Variants in KDM4C observed in about 807,000 individuals in gnomAD.
KDM4C encodes lysine demethylase 4C.
In KDM4C, 81 loss-of-function variants were observed where a neutral mutation model predicts 129.3. The observed-to-expected ratio is 0.63, with a 90% CI of 0.52 to 0.75. The LOEUF (loss-of-function observed/expected upper bound fraction) is 0.75, where lower values mean the gene tolerates loss of function less well. KDM4C is among the 30% of genes least tolerant of loss of function. KDM4C has a pLI of 0.00. For missense variants in KDM4C, 1,457 were observed against 1,304.0 expected (o/e 1.12, Z -1.81); for synonymous variants, 573 against 456.1 (o/e 1.26, Z -3.26).
At chr9:6,956,115 GT>G (rs1829021900) in intron 8 of KDM4C, among the ~76,000 whole-genome samples, 1 of 152,092 alleles carries the variant, frequency 6.6e-6, no homozygotes, top group African/African-American at 2.4e-5. Context: ...GTAGTTGGGG[GT>G]GGTGATGGGG....
chr9:6,824,648 A>AAT (rs1833590214), intron 4 of KDM4C, among the ~76,000 whole-genome samples: 1 of 151,952 alleles, frequency 6.6e-6, no homozygotes, highest in African/African-American at 2.4e-5. Context: ...CAAAAAAAAA[A>AAT]AAAAATTAAG....
At chr9:6,812,098 G>T (rs945847927) in intron 3 of KDM4C, among the ~76,000 whole-genome samples, 4 of 151,992 alleles carry the variant, frequency 2.6e-5, no homozygotes, top group Admixed American at 6.6e-5. Context: ...TTAAAAAATT[G>T]ATACTGCACA....
At position 7,094,625 on chromosome 9, in the gene KDM4C, G is replaced by A. The variant is rs1190339949; in HGVS notation, c.2425-9060G>A. 3.8e-4 allele frequency among the ~76,000 whole-genome samples: 58 copies of A among 152,270 alleles called. 1 individual carries two copies. The highest frequency in any genetic ancestry group is 2.9e-5 in the Non-Finnish European group (2 of 68,016). On this transcript the variant is annotated intron_variant, in intron 17 of 21. Coordinates refer to ENST00000381309, the MANE Select transcript of KDM4C (RefSeq NM_015061.6). ...TGGACTGGACAGCCAGTGTCCATGC[G>A]GAGGAACCCTATACTGAGTTAACTC...
chr9:6,835,670 T>A, intron 4 of KDM4C: 1 of 729,150 alleles, frequency 1.4e-6, no homozygotes, highest in Non-Finnish European at 2.5e-6. Flanking sequence ...TATTTTTTGT[T>A]TTGTTTTGTT....
intron 15 of KDM4C, among the ~76,000 whole-genome samples, chr9:7,040,997 A>C (rs1045448727): frequency 2.7e-5 from 4 of 150,634 alleles, no homozygotes; most frequent in African/African-American, 9.7e-5. Flanking sequence ...TTCACCTTTT[A>C]GTACTCCAAT....
At chr9:6,875,152 C>G (rs1432841874) in intron 5 of KDM4C, among the ~76,000 whole-genome samples, 1 of 152,096 alleles carries the variant, frequency 6.6e-6, no homozygotes, top group Non-Finnish European at 1.5e-5. Flanking sequence ...TCCAGGACTT[C>G]CATCTTGGAG....
chr9:6,827,089 A>G lies in KDM4C; in HGVS notation c.435+12344A>G, dbSNP rs147054967. ...CCTGAGAGAGTGGCACCTTGCACAG[A>G]CACCCACTGCCCCATTTTCTGCCAT... On this transcript the variant is annotated intron_variant, in intron 4 of 21. Coordinates refer to ENST00000381309, the MANE Select transcript of KDM4C (RefSeq NM_015061.6). Among the ~76,000 whole-genome samples, 227 of 152,278 alleles carry G rather than the reference A, an allele frequency of 1.5e-3. 1 individual carries two copies. Among genetic ancestry groups the G allele is most frequent in the African/African-American group, 5.3e-3 (219 of 41,556 alleles).
chr9:6,819,192 G>A (rs966969018), intron 4 of KDM4C: 5 of 152,270 alleles, frequency 3.3e-5, no homozygotes, highest in Admixed American at 3.3e-4. Context: ...ATACAAAAAT[G>A]TCCTGAATTA....
At chr9:6,885,791 C>G (rs1170965874) in intron 6 of KDM4C, among the ~76,000 whole-genome samples, 1 of 152,078 alleles carries the variant, frequency 6.6e-6, no homozygotes, top group Non-Finnish European at 1.5e-5. Context: ...AAGTGTTTTT[C>G]AGGACTATGT....
intron 12 of KDM4C, among the ~76,000 whole-genome samples, chr9:7,002,844 C>G (rs1820978465): frequency 1.3e-5 from 2 of 152,160 alleles, no homozygotes; most frequent in South Asian, 2.1e-4. Flanking sequence ...ACTGTCTGTT[C>G]AATTCCAAAG....
chr9:7,149,146 G>A (rs971124069), intron 19 of KDM4C, among the ~76,000 whole-genome samples: 1 of 152,158 alleles, frequency 6.6e-6, no homozygotes, highest in Middle Eastern at 3.2e-3. Context: ...CCTCACTCCC[G>A]TGCTCCTCAG....
intron 3 of KDM4C, 110 bp downstream of exon 3, chr9:6,805,884 C>A: frequency 1.1e-6 from 1 of 920,010 alleles, no homozygotes; most frequent in Non-Finnish European, 1.6e-6. Flanking sequence ...GTCTCCCATG[C>A]AATTTTTCAC....
chr9:7,059,481 A>C (rs189996384), intron 17 of KDM4C, among the ~76,000 whole-genome samples: 1 of 152,330 alleles, frequency 6.6e-6, no homozygotes, highest in East Asian at 1.9e-4. Flanking sequence ...CAAATGCCTG[A>C]TAGACTAGTG....
In KDM4C at chr9:7,144,101, G is replaced by GT. The variant is rs538638350; in HGVS notation, c.2781+15875dup. Reference sequence around the variant, plus strand: ...ATGTATACTCATTACTCCTCTTTTTGTTTTTTTTTTGTTTTTGTTTTTGTT... The same window carrying GT: ...ATGTATACTCATTACTCCTCTTTTTGTTTTTTTTTTTGTTTTTGTTTTTGTT... On this transcript the variant is annotated intron_variant, in intron 19 of 21. Coordinates refer to ENST00000381309, the MANE Select transcript of KDM4C (RefSeq NM_015061.6). Among the ~76,000 whole-genome samples, 658 of 146,050 alleles carry GT rather than the reference G, an allele frequency of 4.5e-3. 2 individuals are homozygous for GT. Among genetic ancestry groups the GT allele is most frequent in the African/African-American group, 0.01 (400 of 39,930 alleles).
At chr9:6,762,191 T>C (rs1819684833) in intron 1 of KDM4C, among the ~76,000 whole-genome samples, 1 of 152,174 alleles carries the variant, frequency 6.6e-6, no homozygotes, top group African/African-American at 2.4e-5. Context: ...GTTGGTTTGC[T>C]GCACTGATCA....
At chr9:6,787,649 C>G (rs1825761050) in intron 1 of KDM4C, among the ~76,000 whole-genome samples, 1 of 152,202 alleles carries the variant, frequency 6.6e-6, no homozygotes, top group African/African-American at 2.4e-5. Flanking sequence ...TTTCCCTCTG[C>G]CCATCATGGT....
chr9:7,111,565 AAAGCC>A (rs747126706), intron 18 of KDM4C, among the ~76,000 whole-genome samples: 2 of 152,298 alleles, frequency 1.3e-5, no homozygotes, highest in East Asian at 3.9e-4. Context: ...GCCAGGATAC[AAAGCC>A]AGGCAATCTG....
intron 19 of KDM4C, among the ~76,000 whole-genome samples, chr9:7,145,397 A>T (rs1842125808): frequency 6.6e-6 from 1 of 152,168 alleles, no homozygotes; most frequent in Non-Finnish European, 1.5e-5. Context: ...GCTGTGTCTC[A>T]GTTCAGGGGT....
chr9:7,142,506 C>T (rs949406685), intron 19 of KDM4C, among the ~76,000 whole-genome samples: 2 of 152,104 alleles, frequency 1.3e-5, no homozygotes, highest in Admixed American at 1.3e-4. Flanking sequence ...GCTATGTTGC[C>T]CTGAGAAGAG....
Sources: allele counts gnomAD v4.1 joint callset (sites outside exome capture counted in the v4.1 genomes callset), GRCh38; gene constraint gnomAD v4.1.1; transcripts MANE v1.5; gene names NCBI Gene and HGNC (gene_info 2026-07-23, HGNC 2026-07-21).